The following MTA3 variants were observed in gnomAD, a reference collection of about 807,000 sequenced individuals.
MTA3 encodes the protein metastasis associated 1 family member 3.
Under a neutral mutation model 83.5 loss-of-function variants are expected in MTA3, and 34 were observed. The observed-to-expected ratio is 0.41, with a 90% confidence interval of 0.31 to 0.54. MTA3 has a LOEUF of 0.54. Among genes scored for constraint, MTA3 ranks in the 20% least tolerant of loss-of-function variants. The pLI, the probability that MTA3 is intolerant of heterozygous loss-of-function variation, is 0.33. For synonymous variants in MTA3, 303 were observed against 252.7 expected (o/e 1.20, Z -1.89); for missense variants, 761 against 726.4 (o/e 1.05, Z -0.55).
At chr2:42,532,738 GT>G (rs35421981) in intron 2 of MTA3, 2,568 of 196,468 alleles carry the variant, frequency 0.013, no homozygotes, top group South Asian at 0.026. Flanking sequence ...CAATCCAGAG[GT>G]TTTTTTTTTT....
intron 4 of MTA3, among the ~76,000 whole-genome samples, chr2:42,622,240 CAAAAAAAATACG>C (rs1460592621): frequency 1.3e-5 from 2 of 151,794 alleles, no homozygotes; most frequent in African/African-American, 2.4e-5. Flanking sequence ...CCGTCTCCAC[CAAAAAAAATACG>C]AAAACCAGTC....
chr2:42,534,866 G>A (rs561483362), intron 2 of MTA3, among the ~76,000 whole-genome samples: 1 of 151,904 alleles, frequency 6.6e-6, no homozygotes, highest in Non-Finnish European at 1.5e-5. Flanking sequence ...CAAGTGATCC[G>A]CTAGCCTTGG....
rs761227431 is a variant in MTA3, at chr2:42,673,353, C to T, written c.703-9048C>T. On this transcript the variant is annotated intron_variant, in intron 8 of 16. Transcript: ENST00000405094. ...TGAACAAATCAGTACAGATGGCCCT[C>T]GACTTAGGATGTTCAACTTAACAAT... 3.3e-5 allele frequency among the ~76,000 whole-genome samples: 5 copies of T among 152,188 alleles called. 1 individual carries two copies. In the South Asian group the frequency reaches 8.3e-4, roughly 25 times the overall value.
chr2:42,594,728 A>ATATTT, intron 3 of MTA3, among the ~76,000 whole-genome samples: 13 of 24,042 alleles, frequency 5.4e-4, no homozygotes, highest in African/African-American at 2.9e-3. Flanking sequence ...ATATATATAT[A>ATATTT]TTTTTTTTTT....
At chr2:42,615,019 G>A (rs912424632) in intron 4 of MTA3, among the ~76,000 whole-genome samples, 5 of 150,850 alleles carry the variant, frequency 3.3e-5, no homozygotes, top group African/African-American at 7.3e-5. Flanking sequence ...GGCTGGGCAC[G>A]GTGACTCATG....
chr2:42,562,545 C>T (rs940695000), intron 2 of MTA3, among the ~76,000 whole-genome samples: 1 of 152,162 alleles, frequency 6.6e-6, no homozygotes, highest in Non-Finnish European at 1.5e-5. Context: ...CAGGCCATTC[C>T]CCCTTGGTTT....
intron 14 of MTA3, among the ~76,000 whole-genome samples, chr2:42,710,086 C>T (rs1392130678): frequency 6.6e-6 from 1 of 152,086 alleles, no homozygotes; most frequent in African/African-American, 2.4e-5. Flanking sequence ...ATCCTAAAGC[C>T]ATTCTAAGAA....
intron 10 of MTA3, among the ~76,000 whole-genome samples, chr2:42,697,397 A>T (rs1693484328): frequency 1.3e-5 from 2 of 152,238 alleles, no homozygotes; most frequent in African/African-American, 2.4e-5. Context: ...AGAGAGAGAG[A>T]GAGTGAGAGT....
intron 3 of MTA3, among the ~76,000 whole-genome samples, chr2:42,589,290 CTTAAATATGTAT>C (rs1298342078): frequency 6.6e-6 from 1 of 152,020 alleles, no homozygotes; most frequent in African/African-American, 2.4e-5. Flanking sequence ...CATGTACATA[CTTAAATATGTAT>C]TTAAATACAT....
At chr2:42,663,167 A>T (rs1202507895) in intron 8 of MTA3, among the ~76,000 whole-genome samples, 3 of 152,202 alleles carry the variant, frequency 2.0e-5, no homozygotes, top group African/African-American at 7.2e-5. Flanking sequence ...ACTGCTTCTC[A>T]GATTATAACT....
chr2:42,622,858 A>G (rs985074503), intron 4 of MTA3, among the ~76,000 whole-genome samples: 13 of 152,300 alleles, frequency 8.5e-5, no homozygotes, highest in African/African-American at 3.1e-4. Context: ...TTGACAAACA[A>G]AAGTGCTGGA....
chr2:42,709,945 A>G (rs955880110), intron 14 of MTA3, among the ~76,000 whole-genome samples: 6 of 152,142 alleles, frequency 3.9e-5, no homozygotes, highest in African/African-American at 1.4e-4. Context: ...TGTCATTACC[A>G]TGTCTCTGAC....
At chr2:42,602,358 A>G (rs992986578) in intron 3 of MTA3, among the ~76,000 whole-genome samples, 3 of 152,180 alleles carry the variant, frequency 2.0e-5, no homozygotes, top group African/African-American at 7.2e-5. Context: ...ATGAACATTC[A>G]TGTACAGGTC....
chr2:42,675,167 C>A (rs939593489), intron 8 of MTA3, among the ~76,000 whole-genome samples: 2 of 151,762 alleles, frequency 1.3e-5, no homozygotes, highest in African/African-American at 4.8e-5. Flanking sequence ...GACGAGGTCT[C>A]ACTCTGTCAC....
intron 4 of MTA3, among the ~76,000 whole-genome samples, chr2:42,633,719 G>A (rs1233937653): frequency 1.3e-5 from 2 of 151,866 alleles, no homozygotes; most frequent in Admixed American, 6.6e-5. Flanking sequence ...GTGAAACCCC[G>A]TCTCTACTAA....
chr2:42,626,941 A>G (rs1406044703), intron 4 of MTA3, among the ~76,000 whole-genome samples: 2 of 151,712 alleles, frequency 1.3e-5, no homozygotes, highest in Non-Finnish European at 2.9e-5. Flanking sequence ...GGGTTTCACC[A>G]TGTTGGCCAG....
At chr2:42,630,674 T>C (rs1472488111) in intron 4 of MTA3, among the ~76,000 whole-genome samples, 2 of 152,210 alleles carry the variant, frequency 1.3e-5, no homozygotes, top group Non-Finnish European at 2.9e-5. Flanking sequence ...TTTTTTAGTC[T>C]TTTGCTGTTA....
At chr2:42,615,608 C>T (rs376512877) in intron 4 of MTA3, among the ~76,000 whole-genome samples, 36 of 151,308 alleles carry the variant, frequency 2.4e-4, no homozygotes, top group African/African-American at 7.8e-4. Flanking sequence ...CCCACCTCGG[C>T]GTCCCAAAGT....
intron 7 of MTA3, among the ~76,000 whole-genome samples, chr2:42,657,729 A>G (rs1689293027): frequency 6.6e-6 from 1 of 150,426 alleles, no homozygotes; most frequent in African/African-American, 2.5e-5. Context: ...GGAGTTCAAG[A>G]CAAACCTGGG....
Sources: gnomAD v4.1 joint callset for allele counts (sites outside exome capture counted in the v4.1 genomes callset) on GRCh38, gnomAD v4.1.1 for gene constraint, MANE v1.5 for transcripts, NCBI Gene and HGNC (gene_info 2026-07-23, HGNC 2026-07-21) for gene names.